The following CNKSR2 variants were observed in gnomAD, a reference collection of about 807,000 sequenced individuals.
CNKSR2 encodes CNK homolog protein 2.
CNKSR2 carries 14 observed loss-of-function variants against 84.4 expected under a neutral mutation model. The observed-to-expected ratio is 0.17, with a 90% CI of 0.11 to 0.26. The LOEUF (loss-of-function observed/expected upper bound fraction) is 0.26. CNKSR2 is among the 10% of genes least tolerant of loss of function. The probability of loss-of-function intolerance (pLI) is 1.00; values close to 1 mark genes in which losing one functional copy is unlikely to be tolerated. For missense variants in CNKSR2, 485 were observed against 771.2 expected, an observed-to-expected ratio of 0.63 and a Z score of 4.40; for synonymous variants, 275 against 277.9, an observed-to-expected ratio of 0.99 and a Z score of 0.10.
At chrX:21,623,849 AT>A (rs1165187593) in intron 20 of CNKSR2, among the ~76,000 whole-genome samples, 1 of 111,942 alleles carries the variant, frequency 8.9e-6, no homozygotes, top group Non-Finnish European at 1.9e-5. Flanking sequence ...AATATGGATA[AT>A]TTTTTTAAAA....
intron 1 of CNKSR2, among the ~76,000 whole-genome samples, chrX:21,381,251 CTT>C (rs1426646495): frequency 2.7e-5 from 3 of 111,647 alleles, no homozygotes; most frequent in African/African-American, 9.8e-5. Context: ...AGACCAGAGA[CTT>C]AACAGGAATT....
At chrX:21,547,133 C>A (rs773741231) in intron 11 of CNKSR2, among the ~76,000 whole-genome samples, 19 of 111,049 alleles carry the variant, frequency 1.7e-4, no homozygotes, top group Non-Finnish European at 3.0e-4. Flanking sequence ...CACAGACTGG[C>A]AAATTGGATA....
chrX:21,448,666 C>T (rs917062388), intron 4 of CNKSR2, among the ~76,000 whole-genome samples: 3 of 111,447 alleles, frequency 2.7e-5, no homozygotes, highest in Non-Finnish European at 5.6e-5. Context: ...TTATCTTCCT[C>T]CTCTCTGAAT....
chrX:21,542,668 A>G (rs2091986579), intron 11 of CNKSR2, among the ~76,000 whole-genome samples: 1 of 111,918 alleles, frequency 8.9e-6, no homozygotes, highest in Non-Finnish European at 1.9e-5. Flanking sequence ...CTATTTCATC[A>G]TAACACATTT....
intron 20 of CNKSR2, among the ~76,000 whole-genome samples, chrX:21,615,201 A>AAT (rs1190764048): frequency 8.9e-6 from 1 of 112,283 alleles, no homozygotes; most frequent in Non-Finnish European, 1.9e-5. Context: ...TCACTTTTTA[A>AAT]ATATATATAT....
intron 7 of CNKSR2, among the ~76,000 whole-genome samples, chrX:21,499,535 TACTC>T (rs1417748154): frequency 8.9e-6 from 1 of 111,764 alleles, no homozygotes; most frequent in African/African-American, 3.2e-5. Flanking sequence ...TTGCTCATAT[TACTC>T]ACTAATGTTT....
At chrX:21,514,164 A>T (rs914053637) in intron 8 of CNKSR2, among the ~76,000 whole-genome samples, 1 of 111,886 alleles carries the variant, frequency 8.9e-6, no homozygotes, top group Non-Finnish European at 1.9e-5. Context: ...ATACATTTAC[A>T]TAATGTACAG....
rs889796803 is a variant in CNKSR2 at position 21,599,383 on chromosome X, T to A, written c.1977-1899T>A. ...GTGTGTGTGTGTGTGTGTGTGTGTG[T>A]GAGATGGAGTCTCGCTCTGTCACCC... On this transcript the variant is annotated intron_variant, in intron 17 of 21. Coordinates refer to ENST00000379510, the MANE Select transcript of CNKSR2 (RefSeq NM_014927.5). Among the ~76,000 whole-genome samples the A allele has an allele frequency of 9.4e-3, 882 of 93,498 alleles. 15 individuals carry two copies. Among genetic ancestry groups the A allele is most frequent in the Admixed American group, 0.079 (642 of 8,098 alleles). 81.2% of individuals were successfully genotyped at this position (93,498 alleles called of 115,157 possible). A position where few individuals can be genotyped will look rare whatever the true frequency, so the allele number is the denominator to read the frequency against.
chrX:21,374,836 C>T lies in CNKSR2; in HGVS notation c.-62C>T. The T allele has an allele frequency of 9.7e-7, 1 of 1,030,862 alleles. No homozygotes were observed. Among genetic ancestry groups the T allele is most frequent in the Non-Finnish European group, 1.4e-6 (1 of 730,484 alleles). 85.0% of individuals were successfully genotyped at this position (1,030,862 alleles called of 1,213,427 possible). A position where few individuals can be genotyped will look rare whatever the true frequency, so the allele number is the denominator to read the frequency against. On this transcript the variant is annotated 5_prime_UTR_variant, in exon 1 of 22. Coordinates refer to ENST00000379510, the MANE Select transcript of CNKSR2 (RefSeq NM_014927.5). ...CAAGGGACCCCACCTGAGAGCAGCTCGGGCTGCTGAGTTCGTTTTGTGTCT... is the reference window on the plus strand; with the variant it reads ...CAAGGGACCCCACCTGAGAGCAGCTTGGGCTGCTGAGTTCGTTTTGTGTCT...
At chrX:21,387,682 C>T (rs1329193853) in intron 1 of CNKSR2, among the ~76,000 whole-genome samples, 2 of 110,676 alleles carry the variant, frequency 1.8e-5, no homozygotes, top group Non-Finnish European at 3.8e-5. Context: ...TTCTTTTTTC[C>T]TATGTCAATC....
intron 20 of CNKSR2, among the ~76,000 whole-genome samples, chrX:21,615,531 A>G (rs1008026177): frequency 9.0e-6 from 1 of 111,580 alleles, no homozygotes; most frequent in Admixed American, 9.5e-5. Context: ...TGGTAATAAT[A>G]CCTAGCTTTT....
At chrX:21,534,295 G>GATAT (rs541278682) in intron 11 of CNKSR2, among the ~76,000 whole-genome samples, 4 of 108,710 alleles carry the variant, frequency 3.7e-5, no homozygotes, top group Non-Finnish European at 7.7e-5. Flanking sequence ...GTAATATTCT[G>GATAT]ATATATATAT....
At chrX:21,432,502 G>T in intron 2 of CNKSR2, 110 bp from the exon 3 acceptor site, 1 of 544,990 alleles carries the variant, frequency 1.8e-6, no homozygotes. Context: ...TTATTCATTT[G>T]TAACTCGAAT....
chrX:21,429,066 A>G (rs895127348), intron 2 of CNKSR2: 3 of 112,312 alleles, frequency 2.7e-5, no homozygotes, highest in African/African-American at 9.7e-5. Flanking sequence ...GTGAGGATAT[A>G]GCTGACCTTA....
chrX:21,561,167 T>C lies in CNKSR2; in HGVS notation c.1304-304T>C, dbSNP rs990108123. 5.4e-5 allele frequency among the ~76,000 whole-genome samples: 5 copies of C among 91,787 alleles called. No homozygotes were observed. The East Asian group carries it at 1.6e-3, about 29-fold the overall frequency. 79.7% of individuals were successfully genotyped at this position (91,787 alleles called of 115,157 possible). A position where few individuals can be genotyped will look rare whatever the true frequency, so the allele number is the denominator to read the frequency against. On this transcript the variant is annotated intron_variant, in intron 11 of 21. Coordinates refer to ENST00000379510, the MANE Select transcript of CNKSR2 (RefSeq NM_014927.5). ...TCCAGTTACTGAGTAAAATCACTTA[T>C]ATGATTATCTTCTTTAAAAAAAAAA...
At position 21,563,474 on chromosome X, in the gene CNKSR2, C is replaced by G. The variant is rs749394250; in HGVS notation, c.1608+22C>G. ...CCATGTAAGTAAAATTTCAAAGACT[C>G]TTCAATACAGCTTTTATTGGAAGAC... On this transcript the variant is annotated intron_variant, in intron 13 of 21. Transcript: ENST00000379510. The G allele has an allele frequency of 4.6e-6, 5 of 1,081,553 alleles. No homozygotes were observed. The South Asian group carries it at 1.1e-4, about 23-fold the overall frequency. The allele number at this position is 1,081,553 out of a possible 1,213,427, so 89.1% of individuals were successfully genotyped here.
intron 1 of CNKSR2, among the ~76,000 whole-genome samples, chrX:21,383,118 C>T (rs1177373760): frequency 4.5e-5 from 5 of 112,123 alleles, no homozygotes; most frequent in African/African-American, 6.5e-5. Context: ...TATAAAACAC[C>T]ATCAGGCTTA....
chrX:21,382,722 A>T (rs1461956243), intron 1 of CNKSR2, among the ~76,000 whole-genome samples: 2 of 111,770 alleles, frequency 1.8e-5, no homozygotes, highest in Non-Finnish European at 3.8e-5. Context: ...TTTAGTGTTC[A>T]ATTTGCATTT....
At chrX:21,547,313 A>G (rs142078910) in intron 11 of CNKSR2, among the ~76,000 whole-genome samples, 1,577 of 111,707 alleles carry the variant, frequency 0.014, 12 homozygotes, top group Non-Finnish European at 0.022. Context: ...CTTTAAAGCA[A>G]CAAAGATCAA....
Sources: allele counts gnomAD v4.1 joint callset (sites outside exome capture counted in the v4.1 genomes callset), GRCh38; gene constraint gnomAD v4.1.1; transcripts MANE v1.5; gene names NCBI Gene and HGNC (gene_info 2026-07-23, HGNC 2026-07-21).